The following THRB variants were observed in gnomAD, a reference collection of about 807,000 sequenced individuals.
THRB encodes thyroid hormone receptor beta.
THRB carries 12 observed loss-of-function variants against 47.8 expected under a neutral mutation model. The observed-to-expected ratio is 0.25, with a 90% CI of 0.16 to 0.41. THRB has a LOEUF of 0.41. Among genes scored for constraint, THRB ranks in the 10% least tolerant of loss-of-function variants. The probability of loss-of-function intolerance (pLI) is 1.00; values close to 1 mark genes in which losing one functional copy is unlikely to be tolerated. For synonymous variants in THRB, 218 were observed against 212.2 expected (o/e 1.03, Z -0.24); for missense variants, 348 against 589.2 (o/e 0.59, Z 4.24).
chr3:24,375,312 ATATTATATTTAGACATATAT>A (rs1221011890), intron 1 of THRB, among the ~76,000 whole-genome samples: 3 of 147,366 alleles, frequency 2.0e-5, no homozygotes, highest in South Asian at 2.1e-4. Context: ...TAATATTAAT[ATATTATATTTAGACATATAT>A]TATTATATTT....
chr3:24,441,775 T>C (rs1361275575), intron 1 of THRB, among the ~76,000 whole-genome samples: 1 of 152,206 alleles, frequency 6.6e-6, no homozygotes, highest in African/African-American at 2.4e-5. Flanking sequence ...AACAAAAATA[T>C]TTTTGCATCA....
intron 2 of THRB, among the ~76,000 whole-genome samples, chr3:24,307,964 T>C (rs1200968491): frequency 1.3e-5 from 2 of 152,198 alleles, no homozygotes; most frequent in African/African-American, 4.8e-5. Flanking sequence ...ATAGCTTTTG[T>C]TGCCATCGCT....
At chr3:24,332,138 G>C (rs2061968256) in intron 2 of THRB, among the ~76,000 whole-genome samples, 2 of 152,092 alleles carry the variant, frequency 1.3e-5, no homozygotes, top group Admixed American at 1.3e-4. Context: ...TGGGCATTCT[G>C]GTAAGACCCC....
chr3:24,473,170 G>T (rs1430888588), intron 1 of THRB, among the ~76,000 whole-genome samples: 1 of 152,154 alleles, frequency 6.6e-6, no homozygotes, highest in Non-Finnish European at 1.5e-5. Flanking sequence ...ACATGTAATA[G>T]AAAATATTGT....
rs71622766 is a variant in THRB at position 24,118,955 on chromosome 3, C to CT, written c.*3928dup. 3 of 129,538 alleles carry CT rather than the reference C, an allele frequency of 2.3e-5. No homozygotes were observed. Among genetic ancestry groups the CT allele is most frequent in the African/African-American group, 8.1e-5 (3 of 37,254 alleles). The allele number at this position is 129,538 out of a possible 1,614,324, so 8.0% of individuals were successfully genotyped here. On this transcript the variant is annotated 3_prime_UTR_variant, in exon 11 of 11. Transcript: ENST00000646209. Reference sequence around the variant, plus strand: ...TAAAAATTCTGTGATAAGGCCAAACCTTTTTTCCCCCAGTCTGGTTTTTTT... The same window carrying CT: ...TAAAAATTCTGTGATAAGGCCAAACCTTTTTTTCCCCCAGTCTGGTTTTTTT...
At chr3:24,458,335 G>A (rs977656943) in intron 1 of THRB, 1 of 152,138 alleles carries the variant, frequency 6.6e-6, no homozygotes, top group Non-Finnish European at 1.5e-5. Context: ...AAAGACCACG[G>A]AAGAGTTTTT....
chr3:24,370,965 A>C (rs1488216431), intron 1 of THRB, among the ~76,000 whole-genome samples: 1 of 152,176 alleles, frequency 6.6e-6, no homozygotes, highest in Non-Finnish European at 1.5e-5. Context: ...AATTTTCAAA[A>C]GAGCTGTAGA....
At chr3:24,200,288 C>T (rs940477188) in intron 4 of THRB, among the ~76,000 whole-genome samples, 3 of 152,174 alleles carry the variant, frequency 2.0e-5, no homozygotes, top group Admixed American at 6.5e-5. Flanking sequence ...TTATGAGACT[C>T]GCCCCATTTT....
At chr3:24,230,217 G>T (rs1259722376) in intron 3 of THRB, among the ~76,000 whole-genome samples, 4 of 152,162 alleles carry the variant, frequency 2.6e-5, no homozygotes, top group Non-Finnish European at 5.9e-5. Context: ...TTCAAACCTT[G>T]ATCATACTTC....
At chr3:24,250,397 G>C (rs77495931) in intron 3 of THRB, among the ~76,000 whole-genome samples, 25,256 of 151,918 alleles carry the variant, frequency 0.17, 5,690 homozygotes, top group African/African-American at 0.51. Context: ...AAGTAACATA[G>C]TACTGAAATG....
intron 5 of THRB, among the ~76,000 whole-genome samples, chr3:24,159,080 C>T (rs1255693669): frequency 1.3e-5 from 2 of 152,194 alleles, no homozygotes; most frequent in Admixed American, 6.5e-5. Flanking sequence ...CAGAGGCACC[C>T]ACAGTTATGT....
Position 24,127,495 on chromosome 3 carries a change from T to C in THRB, c.1144+4A>G. 6.2e-7 allele frequency: 1 copy of C among 1,614,154 alleles called. No homozygotes were observed. Among genetic ancestry groups the C allele is most frequent in the Non-Finnish European group, 8.5e-7 (1 of 1,180,004 alleles). ...TGCCCACTAACGAGTCTAGGCGTAC[T>C]CACCTGAAGACATCAGCAGGACGGC... is the stretch of plus-strand genomic sequence containing the variant. On this transcript the variant is annotated splice_donor_region_variant and intron_variant, in intron 10 of 10. Coordinates refer to ENST00000646209, the MANE Select transcript of THRB (RefSeq NM_001354712.2).
At chr3:24,284,586 C>G (rs1349971403) in intron 3 of THRB, among the ~76,000 whole-genome samples, 1 of 150,848 alleles carries the variant, frequency 6.6e-6, no homozygotes, top group East Asian at 1.9e-4. Context: ...CAAATGGGAT[C>G]TAATTAAACT....
chr3:24,181,922 C>A (rs1345225303), intron 5 of THRB, among the ~76,000 whole-genome samples: 1 of 152,172 alleles, frequency 6.6e-6, no homozygotes. Flanking sequence ...CACAGTGGGG[C>A]CAGGTGCGGT....
chr3:24,182,950 T>C (rs1320002324), intron 5 of THRB, among the ~76,000 whole-genome samples: 1 of 152,222 alleles, frequency 6.6e-6, no homozygotes, highest in African/African-American at 2.4e-5. Flanking sequence ...TCATAGGGGA[T>C]TATAACTGTA....
chr3:24,383,281 A>T (rs1020028557), intron 1 of THRB, among the ~76,000 whole-genome samples: 3 of 151,966 alleles, frequency 2.0e-5, no homozygotes, highest in African/African-American at 7.2e-5. Flanking sequence ...CTAACTATTT[A>T]CCTGTTTGTC....
chr3:24,220,433 G>C lies in THRB; in HGVS notation c.22+8505C>G, dbSNP rs1444157804. The stretch of plus-strand genomic sequence containing the variant: ...ACGAGCCTGGAAGGTGGAGGTTGCA[G>C]TGAGCTGAGATCATTCCACCGCACT... On this transcript the variant is annotated intron_variant, in intron 4 of 10. Coordinates refer to ENST00000646209, the MANE Select transcript of THRB (RefSeq NM_001354712.2). 2.0e-5 allele frequency among the ~76,000 whole-genome samples: 3 copies of C among 152,196 alleles called. No homozygotes were observed. In the East Asian group the frequency reaches 5.8e-4, roughly 29 times the overall value.
At chr3:24,268,862 ACATT>A (rs2052937504) in intron 3 of THRB, among the ~76,000 whole-genome samples, 1 of 150,668 alleles carries the variant, frequency 6.6e-6, no homozygotes, top group African/African-American at 2.4e-5. Context: ...TAAGCAATAT[ACATT>A]ATTATATTTT....
In THRB at chr3:24,148,426, T is replaced by A. The variant is rs528478428; in HGVS notation, c.385-1604A>T. 5.9e-5 allele frequency among the ~76,000 whole-genome samples: 9 copies of A among 152,080 alleles called. No homozygotes were observed. In the East Asian group the frequency reaches 1.5e-3, roughly 26 times the overall value. ...ATAGGCGTGAGCCACCACGCCTGGC[T>A]AATTTTTGTATTTTTAGTAGAGATG... On this transcript the variant is annotated intron_variant, in intron 6 of 10. Transcript: ENST00000646209.
Sources: allele counts gnomAD v4.1 joint callset (sites outside exome capture counted in the v4.1 genomes callset), GRCh38; gene constraint gnomAD v4.1.1; transcripts MANE v1.5; gene names NCBI Gene and HGNC (gene_info 2026-07-23, HGNC 2026-07-21).